Variants in AQR observed in about 807,000 individuals in gnomAD.
The protein encoded by AQR is RNA helicase aquarius.
In AQR, 61 loss-of-function variants were observed where a neutral mutation model predicts 180.5. That is an observed-to-expected ratio of 0.34 (90% confidence interval 0.28 to 0.42). AQR has a LOEUF of 0.42. Among genes scored for constraint, AQR ranks in the 10% least tolerant of loss-of-function variants. The pLI, the probability that AQR is intolerant of heterozygous loss-of-function variation, is 1.00. For synonymous variants in AQR, 551 were observed against 588.8 expected, an observed-to-expected ratio of 0.94 and a Z score of 0.93; for missense variants, 1,281 against 1,798.3, an observed-to-expected ratio of 0.71 and a Z score of 5.20.
chr15:34,934,084 G>A (rs182318950), intron 10 of AQR, among the ~76,000 whole-genome samples: 1 of 151,794 alleles, frequency 6.6e-6, no homozygotes, highest in East Asian at 1.9e-4. Flanking sequence ...CCGAGACAGC[G>A]CCACTGCATT....
intron 15 of AQR, among the ~76,000 whole-genome samples, chr15:34,916,882 C>CAAAAA (rs71119988): frequency 5.5e-3 from 426 of 77,036 alleles, no homozygotes; most frequent in Non-Finnish European, 7.2e-3. Context: ...TTCAGCAGAA[C>CAAAAA]AAAAAAAAAA....
chr15:34,894,326 T>C (rs1468916103), intron 22 of AQR, among the ~76,000 whole-genome samples: 1 of 152,078 alleles, frequency 6.6e-6, no homozygotes, highest in East Asian at 1.9e-4. Flanking sequence ...TCAGAAAACA[T>C]GGAAGTCAGA....
chr15:34,959,040 TGTCC>T (rs1169637964), intron 3 of AQR, among the ~76,000 whole-genome samples: 4 of 152,054 alleles, frequency 2.6e-5, no homozygotes, highest in African/African-American at 9.7e-5. Flanking sequence ...GATATCTGTC[TGTCC>T]GTCTGTCTGA....
At chr15:34,920,656 A>T (rs2140486406) in intron 13 of AQR, among the ~76,000 whole-genome samples, 1 of 152,250 alleles carries the variant, frequency 6.6e-6, no homozygotes, top group African/African-American at 2.4e-5. Context: ...GTCCCCAAGA[A>T]CACTTTTAAA....
chr15:34,904,729 T>C lies in AQR; in HGVS notation c.1832-224A>G, dbSNP rs80032093. ...TTACTATTTCCTTCCATAGCAGTCA[T>C]GTAATGTTTACGATGCAACACCATG... On this transcript the variant is annotated intron_variant, in intron 18 of 34. Transcript: ENST00000156471. Among the ~76,000 whole-genome samples, 1,270 of 150,784 alleles carry C rather than the reference T, an allele frequency of 8.4e-3. 14 individuals carry two copies. The highest frequency in any genetic ancestry group is 0.012 in the Non-Finnish European group (799 of 68,004).
intron 28 of AQR, 139 bp from the exon 29 acceptor site, chr15:34,875,003 G>A (rs1056403932): frequency 1.3e-6 from 1 of 762,808 alleles, no homozygotes; most frequent in African/African-American, 1.8e-5. Context: ...ACAAACAGGA[G>A]TCTAGCAAAT....
chr15:34,856,786 G>T lies in AQR; in HGVS notation c.*6C>A, dbSNP rs200084878. 1.2e-4 allele frequency: 181 copies of T among 1,519,038 alleles called. No individual in the cohort carries two copies. The highest frequency in any genetic ancestry group is 1.2e-3 in the African/African-American group (84 of 72,014). 94.1% of individuals were successfully genotyped at this position (1,519,038 alleles called of 1,614,324 possible). On this transcript the variant is annotated 3_prime_UTR_variant, in exon 35 of 35. Coordinates refer to ENST00000156471, the MANE Select transcript of AQR (RefSeq NM_014691.3). ...CATGTCCTCCTTTAGAAGGACTACA[G>T]TTTGGCTACTTGGTCTCTTCCGGGG... is the stretch of plus-strand genomic sequence containing the variant.
chr15:34,882,431 A>G, intron 27 of AQR, 71 bp downstream of exon 27: 1 of 1,351,326 alleles, frequency 7.4e-7, no homozygotes, highest in Non-Finnish European at 9.7e-7. Context: ...ATAAATACGA[A>G]CTTCATAAGA....
chr15:34,947,032 G>T (rs1183438119), intron 5 of AQR, among the ~76,000 whole-genome samples: 1 of 152,200 alleles, frequency 6.6e-6, no homozygotes, highest in South Asian at 2.1e-4. Flanking sequence ...CATTGAGAAC[G>T]GGCCATGATG....
chr15:34,942,468 A>G (rs936492548), intron 6 of AQR, among the ~76,000 whole-genome samples: 8 of 152,124 alleles, frequency 5.3e-5, no homozygotes, highest in African/African-American at 1.9e-4. Flanking sequence ...TTTGTGGTCT[A>G]TTGAGTACTA....
In AQR at chr15:34,910,295, A is replaced by G. The variant is rs559841727; in HGVS notation, c.1503T>C (p.Gly501=). ...RMKPWQSEYG[G]VVFGGWARMA... Reference sequence around the variant, plus strand: ...TTCGCGCCCAACCACCAAACACTACACCGCCATATTCAGATTGCCTGAAAC... The same window carrying G: ...TTCGCGCCCAACCACCAAACACTACGCCGCCATATTCAGATTGCCTGAAAC... The change falls in exon 17 of 35, where the codon GGT becomes GGC. Residue 501 remains glycine, a synonymous_variant. Transcript: ENST00000156471. The G allele has an allele frequency of 3.1e-4, 495 of 1,613,530 alleles. 2 individuals carry two copies. In the East Asian group the frequency reaches 9.4e-3, roughly 31 times the overall value.
intron 4 of AQR, among the ~76,000 whole-genome samples, chr15:34,950,843 A>C (rs1894219197): frequency 6.6e-6 from 1 of 152,208 alleles, no homozygotes. Context: ...ATATGCTTCC[A>C]GAGTATCTTT....
At position 34,960,764 on chromosome 15, in the gene AQR, T is replaced by G. The variant is rs747002853; in HGVS notation, c.173+10A>C. ...CAATCACATTGTATAAAATTTAAAT[T>G]CATTCCTACCTTGATTTGACAATCT... On this transcript the variant is annotated intron_variant, in intron 3 of 34. Coordinates refer to ENST00000156471, the MANE Select transcript of AQR (RefSeq NM_014691.3). 1 of 902,492 alleles carries G rather than the reference T, an allele frequency of 1.1e-6. No homozygotes were observed. Among genetic ancestry groups the G allele is most frequent in the East Asian group, 3.0e-5 (1 of 33,420 alleles). The allele number at this position is 902,492 out of a possible 1,614,324, so 55.9% of individuals were successfully genotyped here. A position where few individuals can be genotyped will look rare whatever the true frequency, so the allele number is the denominator to read the frequency against.
chr15:34,931,862 A>G (rs1422557394), intron 11 of AQR, among the ~76,000 whole-genome samples: 4 of 152,200 alleles, frequency 2.6e-5, no homozygotes, highest in Admixed American at 2.6e-4. Context: ...TCTGCATGAC[A>G]TAACAGGAAA....
At chr15:34,895,221 TGA>T (rs1288338514) in intron 22 of AQR, among the ~76,000 whole-genome samples, 2 of 60,736 alleles carry the variant, frequency 3.3e-5, no homozygotes, top group African/African-American at 1.4e-4. Flanking sequence ...TATATATATA[TGA>T]AACAAATAAA....
rs567234646 is a variant in AQR, at chr15:34,874,041, A to T, written c.3426-42T>A. The T allele has an allele frequency of 7.8e-6, 12 of 1,539,618 alleles. No homozygotes were observed. In the South Asian group the frequency reaches 1.4e-4, roughly 18 times the overall value. On this transcript the variant is annotated intron_variant, in intron 29 of 34. Coordinates refer to ENST00000156471, the MANE Select transcript of AQR (RefSeq NM_014691.3). ...TCCCCCACAAACAGAAAATATTAGC[A>T]GTGTAAAATCTCTTTTAATATACAT...
chr15:34,906,444 TA>T, intron 18 of AQR, 100 bp downstream of exon 18: 1 of 1,409,546 alleles, frequency 7.1e-7, no homozygotes, highest in Non-Finnish European at 9.6e-7. Flanking sequence ...ATTTAGTAGG[TA>T]AAAGAACTAA....
At chr15:34,897,856 G>C in intron 20 of AQR, 151 bp from the exon 21 acceptor site, 1 of 874,184 alleles carries the variant, frequency 1.1e-6, no homozygotes, top group South Asian at 1.8e-5. Context: ...TCTGAAAATG[G>C]TCGAGTTACA....
At position 34,867,506 on chromosome 15, in the gene AQR, A is replaced by C; in HGVS notation, c.3854+18T>G. 1 of 1,599,044 alleles carries C rather than the reference A, an allele frequency of 6.3e-7. No homozygotes were observed. Among genetic ancestry groups the C allele is most frequent in the African/African-American group, 1.3e-5 (1 of 74,634 alleles). On this transcript the variant is annotated intron_variant, in intron 32 of 34. Transcript: ENST00000156471. ...TAGTAAAGTTCAATAAATATTATGA[A>C]AGTTTTTTCCTACGTACCTCAGATG...
Sources: allele counts gnomAD v4.1 joint callset (sites outside exome capture counted in the v4.1 genomes callset), GRCh38; gene constraint gnomAD v4.1.1; transcripts MANE v1.5; gene names NCBI Gene and HGNC (gene_info 2026-07-23, HGNC 2026-07-21).